Variants in CRX observed in about 807,000 individuals in gnomAD.
CRX encodes cone-rod homeobox.
Under a neutral mutation model 13.1 loss-of-function variants are expected in CRX, and 5 were observed. That is an observed-to-expected ratio of 0.38 (90% CI 0.20 to 0.80). CRX has a LOEUF of 0.80. CRX is among the 30% of genes least tolerant of loss of function. CRX has a pLI of 0.43. For missense variants in CRX, 351 were observed against 391.8 expected, an observed-to-expected ratio of 0.90 and a Z score of 0.88; for synonymous variants, 179 against 171.1, an observed-to-expected ratio of 1.05 and a Z score of -0.36.
chr19:47,835,038 A>C (rs1214640425), intron 2 of CRX, among the ~76,000 whole-genome samples: 1 of 146,492 alleles, frequency 6.8e-6, no homozygotes, highest in Non-Finnish European at 1.5e-5. Context: ...TCTGTTGCCC[A>C]CTCTGAAGTG....
At chr19:47,837,755 A>AAGAT (rs149853514) in intron 3 of CRX, among the ~76,000 whole-genome samples, 26,789 of 152,080 alleles carry the variant, frequency 0.18, 2,600 homozygotes, top group Non-Finnish European at 0.22. Flanking sequence ...TTATATGTAT[A>AAGAT]AGATGGATGA....
chr19:47,822,311 T>G (rs184982256), intron 1 of CRX, among the ~76,000 whole-genome samples: 4 of 152,150 alleles, frequency 2.6e-5, no homozygotes, highest in Non-Finnish European at 5.9e-5. Flanking sequence ...CATCCGGGGT[T>G]GGGGGCTTCT....
chr19:47,822,168 T>G (rs1967920138), intron 1 of CRX, among the ~76,000 whole-genome samples, 158 bp downstream of exon 1: 1 of 152,172 alleles, frequency 6.6e-6, no homozygotes, highest in Non-Finnish European at 1.5e-5. Context: ...CTGGCATTTG[T>G]GGAAACGGGG....
At chr19:47,824,355 A>T (rs1967949291) in intron 1 of CRX, among the ~76,000 whole-genome samples, 1 of 152,088 alleles carries the variant, frequency 6.6e-6, no homozygotes, top group African/African-American at 2.4e-5. Context: ...GGTGATCAGG[A>T]GGGCACCGGC....
rs920892391 is a variant in CRX, at chr19:47,840,114, G to A, written c.*147G>A. On this transcript the variant is annotated 3_prime_UTR_variant, in exon 4 of 4. Coordinates refer to ENST00000221996, the MANE Select transcript of CRX (RefSeq NM_000554.6). Reference sequence around the variant, plus strand: ...CTGACAGCTCGGTGTTCAGCTTACAGAGACCACCCCTTTCCTCCACAGGGA... The same window carrying A: ...CTGACAGCTCGGTGTTCAGCTTACAAAGACCACCCCTTTCCTCCACAGGGA... 1 of 876,142 alleles carries A rather than the reference G, an allele frequency of 1.1e-6. No individual in the cohort carries two copies. Among genetic ancestry groups the A allele is most frequent in the Non-Finnish European group, 1.8e-6 (1 of 558,352 alleles). 54.3% of individuals were successfully genotyped at this position (876,142 alleles called of 1,614,324 possible).
At chr19:47,837,969 T>C (rs1968139454) in intron 3 of CRX, among the ~76,000 whole-genome samples, 1 of 152,112 alleles carries the variant, frequency 6.6e-6, no homozygotes, top group African/African-American at 2.4e-5. Context: ...TATGTTTGTA[T>C]GCTGTAGGTA....
chr19:47,833,087 T>TG (rs1327062469), intron 1 of CRX, among the ~76,000 whole-genome samples: 55 of 140,266 alleles, frequency 3.9e-4, no homozygotes, highest in African/African-American at 7.2e-4. Flanking sequence ...TTTTCAGAGA[T>TG]GGGGGGTCTC....
rs59440203 is a variant in CRX, at chr19:47,839,085, C to T, written c.253-235C>T. Among the ~76,000 whole-genome samples, 65,363 of 151,404 alleles carry T rather than the reference C, an allele frequency of 0.43. 14,799 individuals are homozygous for T. The highest frequency in any genetic ancestry group is 0.5 in the African/African-American group (20,543 of 41,218). ...TGTACGTGTGCATGTTTGCATTAGACGGATGGGATGAATGCACATGGGTAT... is the reference window on the plus strand; with the variant it reads ...TGTACGTGTGCATGTTTGCATTAGATGGATGGGATGAATGCACATGGGTAT... On this transcript the variant is annotated intron_variant, in intron 3 of 3. Coordinates refer to ENST00000221996, the MANE Select transcript of CRX (RefSeq NM_000554.6). The surrounding 1 kb of genome is among the most constrained non-coding windows in gnomAD (Gnocchi z 4.6).
intron 1 of CRX, among the ~76,000 whole-genome samples, chr19:47,826,069 C>G (rs1015554192): frequency 2.6e-5 from 4 of 152,184 alleles, no homozygotes; most frequent in Non-Finnish European, 4.4e-5. Context: ...TTGTTCCAGG[C>G]CCTGCAAATG....
Position 47,834,473 on chromosome 19 carries a change from C to T in CRX, c.30C>T (p.His10=), listed in dbSNP as rs1327438189. ...TGGCGTATATGAACCCGGGGCCCCA[C>T]TATTCTGTCAACGCCTTGGCCCTAA... MMAYMNPGP[H]YSVNALALSG... is the part of the protein sequence containing the mutation. Residue 10 remains histidine (H), a synonymous_variant, in exon 2 of 4, where the codon CAC becomes CAT. Coordinates refer to ENST00000221996, the MANE Select transcript of CRX (RefSeq NM_000554.6). The T allele has an allele frequency of 1.9e-6, 3 of 1,614,166 alleles. No individual in the cohort carries two copies. Among genetic ancestry groups the T allele is most frequent in the Admixed American group, 3.3e-5 (2 of 60,014 alleles).
chr19:47,836,450 T>C, intron 3 of CRX, 56 bp downstream of exon 3: 1 of 1,609,526 alleles, frequency 6.2e-7, no homozygotes. Context: ...TCAGGAGGCC[T>C]GCCCGGAACA....
At chr19:47,830,666 C>T (rs1056017606) in intron 1 of CRX, among the ~76,000 whole-genome samples, 12 of 151,948 alleles carry the variant, frequency 7.9e-5, no homozygotes, top group Non-Finnish European at 1.2e-4. Context: ...TGTGGTGGCT[C>T]ATGCCTGTAA....
At chr19:47,837,999 AT>A (rs1968140020) in intron 3 of CRX, among the ~76,000 whole-genome samples, 1 of 152,098 alleles carries the variant, frequency 6.6e-6, no homozygotes, top group South Asian at 2.1e-4. Flanking sequence ...ATATATGTGC[AT>A]ACACACGTGT....
intron 1 of CRX, among the ~76,000 whole-genome samples, chr19:47,833,997 C>CT (rs72027184): frequency 0.13 from 18,345 of 142,434 alleles, 1,505 homozygotes; most frequent in Non-Finnish European, 0.18. Flanking sequence ...TTAAAGAACA[C>CT]TTTTTTTTTT....
intron 1 of CRX, among the ~76,000 whole-genome samples, chr19:47,829,567 G>T (rs979628534): frequency 1.3e-5 from 2 of 152,094 alleles, no homozygotes; most frequent in African/African-American, 4.8e-5. Context: ...TTGACCTCAG[G>T]TGATCCATCT....
At chr19:47,834,667 C>T in intron 2 of CRX, 124 bp downstream of exon 2, 1 of 707,538 alleles carries the variant, frequency 1.4e-6, no homozygotes, top group Non-Finnish European at 2.5e-6. Context: ...CACCAGCCCT[C>T]TGGGTTCATC....
At position 47,834,311 on chromosome 19, in the gene CRX, C is replaced by T. The variant is rs569694536; in HGVS notation, c.-35-98C>T. 3 of 752,590 alleles carry T rather than the reference C, an allele frequency of 4.0e-6. No individual in the cohort carries two copies. In the Admixed American group the frequency reaches 5.8e-5, roughly 15 times the overall value. The allele number at this position is 752,590 out of a possible 1,614,324, so 46.6% of individuals were successfully genotyped here. ...GAGATAAATGGCCAAGGTCACATACCTAAGAGGAGAAGGAGGCAGGATTTG... is the reference window on the plus strand; with the variant it reads ...GAGATAAATGGCCAAGGTCACATACTTAAGAGGAGAAGGAGGCAGGATTTG... On this transcript the variant is annotated intron_variant, in intron 1 of 3. Coordinates refer to ENST00000221996, the MANE Select transcript of CRX (RefSeq NM_000554.6).
intron 1 of CRX, among the ~76,000 whole-genome samples, chr19:47,823,207 C>G (rs139001775): frequency 2.6e-5 from 4 of 152,198 alleles, no homozygotes; most frequent in African/African-American, 9.6e-5. Context: ...TGGGTCAGTC[C>G]TAGACACACA....
rs1004933827 is a variant in CRX at position 47,840,465 on chromosome 19, G to A, written c.*498G>A. On this transcript the variant is annotated 3_prime_UTR_variant, in exon 4 of 4. Transcript: ENST00000221996. The stretch of plus-strand genomic sequence containing the variant: ...CGCCCAGGCTGGAGTGCAGTGGCAC[G>A]ATCTCAGCTCACTGCAAGCTCTACC... The A allele has an allele frequency of 5.5e-5, 9 of 165,076 alleles. No homozygotes were observed. Among genetic ancestry groups the A allele is most frequent in the South Asian group, 1.5e-4 (1 of 6,606 alleles). 10.2% of individuals were successfully genotyped at this position (165,076 alleles called of 1,614,324 possible). A position where few individuals can be genotyped will look rare whatever the true frequency, so the allele number is the denominator to read the frequency against.
Sources: allele counts gnomAD v4.1 joint callset (sites outside exome capture counted in the v4.1 genomes callset), GRCh38; gene constraint gnomAD v4.1.1; non-coding constraint Gnocchi (gnomAD v3.1); transcripts MANE v1.5; gene names NCBI Gene and HGNC (gene_info 2026-07-23, HGNC 2026-07-21).